Variants in BRS3 observed in about 807,000 individuals in gnomAD.
The protein encoded by BRS3 is bombesin receptor subtype 3, also known as bombesin receptor subtype-3.
Under a neutral mutation model 18.8 loss-of-function variants are expected in BRS3, and 5 were observed. The observed-to-expected ratio is 0.27, with a 90% CI of 0.14 to 0.56. BRS3 has a LOEUF of 0.56. Among genes scored for constraint, BRS3 ranks in the 20% least tolerant of loss-of-function variants. BRS3 has a pLI of 0.93. For missense variants in BRS3, 215 were observed against 296.3 expected (o/e 0.73, Z 2.01); for synonymous variants, 121 against 115.0 (o/e 1.05, Z -0.33).
At chrX:136,490,656 G>A (rs1445397636) in intron 2 of BRS3, among the ~76,000 whole-genome samples, 172 bp downstream of exon 2, 1 of 112,288 alleles carries the variant, frequency 8.9e-6, no homozygotes, top group Non-Finnish European at 1.9e-5. Context: ...CGTACTAGCT[G>A]AGTAATCTTG....
intron 1 of BRS3, among the ~76,000 whole-genome samples, chrX:136,489,628 C>T (rs757991249): frequency 2.7e-5 from 3 of 111,478 alleles, no homozygotes; most frequent in East Asian, 2.8e-4. Flanking sequence ...CACTTACAAA[C>T]GGGGAAGAAA....
In BRS3 at chrX:136,492,584, C is replaced by T; in HGVS notation, c.*209C>T. 3 of 356,520 alleles carry T rather than the reference C, an allele frequency of 8.4e-6. No individual in the cohort carries two copies. Among genetic ancestry groups the T allele is most frequent in the Non-Finnish European group, 1.4e-5 (3 of 213,717 alleles). The allele number at this position is 356,520 out of a possible 1,213,427, so 29.4% of individuals were successfully genotyped here. A position where few individuals can be genotyped will look rare whatever the true frequency, so the allele number is the denominator to read the frequency against. ...TCGGGCTTTCTAAATAAAATGAAGC[C>T]CCACTAAGTGCAGAAAGACAAGTTT... On this transcript the variant is annotated 3_prime_UTR_variant, in exon 3 of 3. Transcript: ENST00000370648.
At chrX:136,491,132 TG>T (rs1031490256) in intron 2 of BRS3, among the ~76,000 whole-genome samples, 1 of 111,726 alleles carries the variant, frequency 9.0e-6, no homozygotes, top group Admixed American at 9.5e-5. Context: ...ATAAAAGGAA[TG>T]TTGCCAAAAC....
In BRS3 at chrX:136,488,205, AAC is replaced by A; in HGVS notation, c.95_96del (p.Thr32LysfsTer2). ...ATCAAGCTCTGTGGTTTCTAACGAT[AAC>A]ACAAATAAAGGATGGAGCGGGGACA... ...ESSSSVVSND[N>X]TNKGWSGDNS... On this transcript the variant is annotated frameshift_variant, in exon 1 of 3. Coordinates refer to ENST00000370648, the MANE Select transcript of BRS3 (RefSeq NM_001727.2). LOFTEE classifies it high-confidence loss of function. The A allele has an allele frequency of 8.3e-7, 1 of 1,211,746 alleles. No individual in the cohort carries two copies. The highest frequency in any genetic ancestry group is 3.0e-5 in the East Asian group (1 of 33,871).
In BRS3 at chrX:136,488,168, T is replaced by C. The variant is rs1418374389; in HGVS notation, c.54T>C (p.Asn18=). 1 of 1,210,157 alleles carries C rather than the reference T, an allele frequency of 8.3e-7. No homozygotes were observed. Among genetic ancestry groups the C allele is most frequent in the Admixed American group, 2.2e-5 (1 of 45,904 alleles). ...SPNQTLISIT[N]DTESSSSVVS... ...ATCAGACTTTAATTTCAATCACAAA[T>C]GACACAGAATCATCAAGCTCTGTGG... Residue 18 remains asparagine (N), a synonymous_variant, in exon 1 of 3, where the codon AAT becomes AAC. Transcript: ENST00000370648.
At position 136,491,913 on chromosome X, in the gene BRS3, G is replaced by GTTTTTTTTTTTTTTTTTTTTTTTTTTTT. The variant is rs754593042; in HGVS notation, c.787-23_787-22insTTTTTTTTTTTTTTTTTTTTTTTTTTTT. ...TTTTTTTGTTGTTGTTGTTTTTTGT[G>GTTTTTTTTTTTTTTTTTTTTTTTTTTTT]TTTTTTTTTTTTTTTTTTTTTTTTT... is the stretch of plus-strand genomic sequence containing the variant. On this transcript the variant is annotated intron_variant, in intron 2 of 2. Transcript: ENST00000370648. 37 of 436,946 alleles carry GTTTTTTTTTTTTTTTTTTTTTTTTTTTT rather than the reference G, an allele frequency of 8.5e-5. 4 individuals carry two copies. Among genetic ancestry groups the GTTTTTTTTTTTTTTTTTTTTTTTTTTTT allele is most frequent in the African/African-American group, 4.8e-4 (6 of 12,403 alleles). The allele number at this position is 436,946 out of a possible 1,213,427, so 36.0% of individuals were successfully genotyped here. A position where few individuals can be genotyped will look rare whatever the true frequency, so the allele number is the denominator to read the frequency against.
chrX:136,491,391 A>G (rs997913111), intron 2 of BRS3, among the ~76,000 whole-genome samples: 9 of 111,912 alleles, frequency 8.0e-5, no homozygotes, highest in African/African-American at 2.9e-4. Context: ...TTATTAATAG[A>G]TGTAGGTAGG....
At chrX:136,491,916 T>TTG (rs1569351060) in intron 2 of BRS3, 46 bp from the exon 3 acceptor site, 2 of 475,894 alleles carry the variant, frequency 4.2e-6, no homozygotes, top group South Asian at 1.3e-4. Context: ...TTTTTGTGTT[T>TTG]TTTTTTTTTT....
intron 2 of BRS3, among the ~76,000 whole-genome samples, chrX:136,491,091 G>A (rs1313574157): frequency 2.7e-5 from 3 of 111,701 alleles, no homozygotes; most frequent in Admixed American, 1.9e-4. Flanking sequence ...CAAGAGCCAC[G>A]TGTACCCTCC....
intron 2 of BRS3, among the ~76,000 whole-genome samples, chrX:136,491,467 C>T (rs1335316299): frequency 1.8e-5 from 2 of 112,508 alleles, no homozygotes; most frequent in African/African-American, 3.2e-5. Flanking sequence ...GTTAGAATTC[C>T]TATAGAGTAA....
rs1435930496 is a variant in BRS3, at chrX:136,492,545, A to T, written c.*170A>T. 3.4e-5 allele frequency: 15 copies of T among 439,050 alleles called. No individual in the cohort carries two copies. Among genetic ancestry groups the T allele is most frequent in the Non-Finnish European group, 4.9e-5 (14 of 282,967 alleles). The allele number at this position is 439,050 out of a possible 1,213,427, so 36.2% of individuals were successfully genotyped here. On this transcript the variant is annotated 3_prime_UTR_variant, in exon 3 of 3. Transcript: ENST00000370648. ...CAAACCATTACTTTCTTCAAAGTAC[A>T]AATAGTAATGTCATCGGGCTTTCTA... is the stretch of plus-strand genomic sequence containing the variant.
In BRS3 at chrX:136,488,254, T is replaced by C. The variant is rs752053125; in HGVS notation, c.140T>C (p.Leu47Ser). Reference protein sequence around the residue: ...SGDNSPGIEALCAIYITYAVI... With the variant: ...SGDNSPGIEASCAIYITYAVI... ...GACAACTCTCCAGGAATAGAAGCATTGTGTGCCATCTATATTACTTATGCT... is the reference window on the plus strand; with the variant it reads ...GACAACTCTCCAGGAATAGAAGCATCGTGTGCCATCTATATTACTTATGCT... Residue 47 changes from leucine (L) to serine (S), a missense_variant, in exon 1 of 3, where the codon TTG becomes TCG. Around this residue, in one of 3 missense-constraint regions of BRS3, gnomAD observed 47 missense variants for 43.1 expected, o/e 1.09. Coordinates refer to ENST00000370648, the MANE Select transcript of BRS3 (RefSeq NM_001727.2). 5 of 1,211,807 alleles carry C rather than the reference T, an allele frequency of 4.1e-6. No homozygotes were observed. The Admixed American group carries it at 1.1e-4, about 26-fold the overall frequency.
chrX:136,490,921 A>C (rs1202868304), intron 2 of BRS3, among the ~76,000 whole-genome samples: 2 of 112,082 alleles, frequency 1.8e-5, no homozygotes, highest in Admixed American at 9.4e-5. Flanking sequence ...ACAGAATAAA[A>C]ATACATAGCA....
chrX:136,489,344 G>T (rs888521179), intron 1 of BRS3, among the ~76,000 whole-genome samples: 1 of 111,956 alleles, frequency 8.9e-6, no homozygotes, highest in East Asian at 2.8e-4. Flanking sequence ...AAGCCTGCAA[G>T]ATTCCTGTAA....
intron 1 of BRS3, 115 bp downstream of exon 1, chrX:136,488,663 T>A: frequency 1.2e-5 from 9 of 738,634 alleles, no homozygotes; most frequent in Non-Finnish European, 1.7e-5. Flanking sequence ...CTCTGTAACG[T>A]GGATGTGAGA....
At position 136,492,505 on chromosome X, in the gene BRS3, T is replaced by G; in HGVS notation, c.*130T>G. 1 of 624,918 alleles carries G rather than the reference T, an allele frequency of 1.6e-6. No individual in the cohort carries two copies. The highest frequency in any genetic ancestry group is 4.2e-5 in the South Asian group (1 of 23,609). 51.5% of individuals were successfully genotyped at this position (624,918 alleles called of 1,213,427 possible). On this transcript the variant is annotated 3_prime_UTR_variant, in exon 3 of 3. Coordinates refer to ENST00000370648, the MANE Select transcript of BRS3 (RefSeq NM_001727.2). ...AAATCTTAGGAGTGAAGGATCCCTA[T>G]AAGTAAGTAAAATACAAACCATTAC...
Position 136,488,819 on chromosome X carries a change from A to T in BRS3, c.434+271A>T, listed in dbSNP as rs1261808524. On this transcript the variant is annotated intron_variant, in intron 1 of 2. Transcript: ENST00000370648. ...CGGAAGTATACTGAACGGGGTTTTTATTTTTCTCCAGTTTATTAAGTAAAG... is the reference window on the plus strand; with the variant it reads ...CGGAAGTATACTGAACGGGGTTTTTTTTTTTCTCCAGTTTATTAAGTAAAG... Among the ~76,000 whole-genome samples, 3 of 111,813 alleles carry T rather than the reference A, an allele frequency of 2.7e-5. No homozygotes were observed. In the Admixed American group the frequency reaches 2.9e-4, roughly 11 times the overall value.
At position 136,488,150 on chromosome X, in the gene BRS3, T is replaced by A. The variant is rs752183219; in HGVS notation, c.36T>A (p.Thr12=). ...GGCAGCCTCACTCACCTAATCAGAC[T>A]TTAATTTCAATCACAAATGACACAG... ...AQRQPHSPNQ[T]LISITNDTES... Residue 12 remains threonine (T), a synonymous_variant, in exon 1 of 3, where the codon ACT becomes ACA. Coordinates refer to ENST00000370648, the MANE Select transcript of BRS3 (RefSeq NM_001727.2). 2.1e-5 allele frequency: 25 copies of A among 1,207,613 alleles called. No homozygotes were observed. The East Asian group carries it at 6.8e-4, about 33-fold the overall frequency.
At chrX:136,488,588 ATTGGGC>A in intron 1 of BRS3, 40 bp downstream of exon 1, 1 of 1,141,114 alleles carries the variant, frequency 8.8e-7, no homozygotes, top group Admixed American at 2.5e-5. Context: ...AGGATGTGAA[ATTGGGC>A]AAAAAGAAAG....
Sources: gnomAD v4.1 joint callset for allele counts (sites outside exome capture counted in the v4.1 genomes callset) on GRCh38, gnomAD v4.1.1 for gene constraint, gnomAD v4.1.1 regional missense constraint, MANE v1.5 for transcripts, NCBI Gene and HGNC (gene_info 2026-07-23, HGNC 2026-07-21) for gene names.